The following MCOLN2 variants were observed in gnomAD, a reference collection of about 807,000 sequenced individuals.
The protein encoded by MCOLN2 is mucolipin TRP cation channel 2.
MCOLN2 carries 57 observed loss-of-function variants against 67.5 expected under a neutral mutation model. That is an observed-to-expected ratio of 0.84 (90% CI 0.68 to 1.05). The LOEUF is 1.05. MCOLN2 is among the 50% of genes least tolerant of loss of function. The probability of loss-of-function intolerance (pLI) is 0.00; values close to 1 mark genes in which losing one functional copy is unlikely to be tolerated. For synonymous variants in MCOLN2, 246 were observed against 233.3 expected, an observed-to-expected ratio of 1.05 and a Z score of -0.50; for missense variants, 620 against 678.8, an observed-to-expected ratio of 0.91 and a Z score of 0.96.
At chr1:84,964,912 C>G (rs889681991) in intron 2 of MCOLN2, among the ~76,000 whole-genome samples, 1 of 152,180 alleles carries the variant, frequency 6.6e-6, no homozygotes, top group African/African-American at 2.4e-5. Flanking sequence ...TTGCCTACCA[C>G]TCACCTCCTG....
chr1:84,991,386 T>A (rs1650884682), intron 1 of MCOLN2, among the ~76,000 whole-genome samples: 1 of 152,110 alleles, frequency 6.6e-6, no homozygotes, highest in Non-Finnish European at 1.5e-5. Context: ...ATTCCTACGA[T>A]GAACAAATTT....
In MCOLN2 at chr1:84,956,677, T is replaced by C. The variant is rs756103386; in HGVS notation, c.412-93A>G. The C allele has an allele frequency of 5.7e-4, 610 of 1,074,038 alleles. 5 individuals are homozygous for C. Among genetic ancestry groups the C allele is most frequent in the Non-Finnish European group, 3.2e-4 (244 of 760,172 alleles). The allele number at this position is 1,074,038 out of a possible 1,614,324, so 66.5% of individuals were successfully genotyped here. ...ATAGAATGTACTTTCAGTTACTTTG[T>C]ATTGTTTACATCATGGCTCTCAATA... On this transcript the variant is annotated intron_variant, in intron 3 of 13. Transcript: ENST00000370608.
At chr1:84,939,502 G>A (rs1204464839) in intron 9 of MCOLN2, 51 bp downstream of exon 9, 2 of 1,574,540 alleles carry the variant, frequency 1.3e-6, no homozygotes, top group African/African-American at 1.4e-5. Flanking sequence ...AGATGCCTGT[G>A]GCCATCCAGG....
At chr1:84,971,378 T>C (rs1015538559) in intron 1 of MCOLN2, among the ~76,000 whole-genome samples, 11 of 152,144 alleles carry the variant, frequency 7.2e-5, no homozygotes, top group Non-Finnish European at 1.3e-4. Flanking sequence ...AAAATTCTGA[T>C]ATTTCAAGGA....
At chr1:84,950,300 A>G (rs903859444) in intron 6 of MCOLN2, among the ~76,000 whole-genome samples, 1 of 152,256 alleles carries the variant, frequency 6.6e-6, no homozygotes, top group Admixed American at 6.5e-5. Context: ...TATCTGGTTC[A>G]GAGAAATCCT....
intron 4 of MCOLN2, among the ~76,000 whole-genome samples, chr1:84,955,763 C>T (rs541306368): frequency 1.9e-4 from 29 of 151,978 alleles, no homozygotes; most frequent in East Asian, 5.8e-4. Context: ...ACTTCAAGTA[C>T]GGGGCTTGAA....
At chr1:84,986,901 G>A (rs972134673) in intron 1 of MCOLN2, among the ~76,000 whole-genome samples, 4 of 152,070 alleles carry the variant, frequency 2.6e-5, no homozygotes, top group Non-Finnish European at 1.5e-5. Flanking sequence ...GGGATGGGGT[G>A]AAAAGGCAAC....
chr1:84,963,076 G>A (rs1407275566), intron 2 of MCOLN2, among the ~76,000 whole-genome samples: 1 of 152,184 alleles, frequency 6.6e-6, no homozygotes, highest in East Asian at 1.9e-4. Context: ...AGACTCCAGA[G>A]CCAGACTGCC....
At chr1:84,947,271 T>TAGA in intron 6 of MCOLN2, 139 bp from the exon 7 acceptor site, 1 of 599,864 alleles carries the variant, frequency 1.7e-6, no homozygotes, top group Non-Finnish European at 3.0e-6. Context: ...AATGGCTGAC[T>TAGA]AGAATTACTT....
chr1:84,962,040 A>C (rs980382930), intron 2 of MCOLN2, among the ~76,000 whole-genome samples: 1 of 152,188 alleles, frequency 6.6e-6, no homozygotes, highest in Non-Finnish European at 1.5e-5. Flanking sequence ...ACACAAAAAG[A>C]CAGAAAAAGA....
rs1425945483 is a variant in MCOLN2, at chr1:84,965,562, A to G, written c.224T>C (p.Met75Thr). The G allele has an allele frequency of 1.9e-6, 3 of 1,613,854 alleles. No individual in the cohort carries two copies. In the African/African-American group the frequency reaches 4.0e-5, roughly 22 times the overall value. ...KLGLQILKIV[M>T]VTTQLVRFGL... is the part of the protein sequence containing the mutation. ...AAGATAGGTTACCTGTGTGGTGACC[A>G]TGACTATCTTCAAAATCTGCAAACC... The change falls in exon 2 of 14, where the codon ATG (methionine) becomes ACG (threonine). Residue 75 changes from methionine to threonine, a missense_variant. By Grantham distance (81) the Met-to-Thr change is moderately conservative. Transcript: ENST00000370608.
chr1:84,987,869 G>A (rs1032683622), intron 1 of MCOLN2, among the ~76,000 whole-genome samples: 22 of 151,834 alleles, frequency 1.4e-4, no homozygotes, highest in Non-Finnish European at 2.4e-4. Flanking sequence ...TAAGCTGTGA[G>A]GATGCAAAGG....
intron 1 of MCOLN2, among the ~76,000 whole-genome samples, chr1:84,971,545 C>T (rs1445365944): frequency 5.0e-5 from 7 of 139,990 alleles, no homozygotes; most frequent in African/African-American, 1.4e-4. Context: ...CACACACACA[C>T]GATATCTTAT....
intron 7 of MCOLN2, among the ~76,000 whole-genome samples, chr1:84,946,593 T>C (rs1422268642): frequency 6.6e-6 from 1 of 152,224 alleles, no homozygotes; most frequent in East Asian, 1.9e-4. Context: ...CCAATAAGCA[T>C]TTCCTTTGAG....
Position 84,956,577 on chromosome 1 carries a change from T to C in MCOLN2, c.419A>G (p.Gln140Arg), listed in dbSNP as rs2102843779. The change falls in exon 4 of 14, where the codon CAG becomes CGG. Residue 140 changes from glutamine (Q) to arginine (R), a missense_variant. Coordinates refer to ENST00000370608, the MANE Select transcript of MCOLN2 (RefSeq NM_153259.4). ...SIFFAINQYH[Q>R]LKDITLGTLG... ...GGTCCCCAGGGTAATGTCCTTTAGC[T>C]GATGATACTATTAAAAAATAGTCAA... The C allele has an allele frequency of 3.2e-6, 5 of 1,578,384 alleles. No homozygotes were observed. In the East Asian group the frequency reaches 6.8e-5, roughly 21 times the overall value.
intron 2 of MCOLN2, among the ~76,000 whole-genome samples, chr1:84,964,487 T>C (rs1649265696): frequency 7.7e-6 from 1 of 129,078 alleles, no homozygotes; most frequent in Admixed American, 1.0e-4. Flanking sequence ...ACTGGTTTTG[T>C]AGAAGACAAT....
Position 84,996,888 on chromosome 1 carries a change from A to C in MCOLN2, c.-16T>G. On this transcript the variant is annotated 5_prime_UTR_variant, in exon 1 of 14. Transcript: ENST00000370608. ...GCCGGGCCATGCCTCCTCCTTCAAA[A>C]CTTTCCAGGGCTCTCGGGATTCGGA... The C allele has an allele frequency of 6.2e-6, 10 of 1,612,418 alleles. No homozygotes were observed. Among genetic ancestry groups the C allele is most frequent in the Non-Finnish European group, 7.6e-6 (9 of 1,178,654 alleles).
At chr1:84,975,135 C>T (rs1014877641) in intron 1 of MCOLN2, among the ~76,000 whole-genome samples, 6 of 152,194 alleles carry the variant, frequency 3.9e-5, no homozygotes, top group Non-Finnish European at 8.8e-5. Flanking sequence ...GGGAAGAACA[C>T]AGGCCTGGTT....
At chr1:84,961,867 C>G (rs571897644) in intron 2 of MCOLN2, among the ~76,000 whole-genome samples, 2 of 152,244 alleles carry the variant, frequency 1.3e-5, no homozygotes, top group South Asian at 2.1e-4. Flanking sequence ...AGATACTGCT[C>G]TAATTATGTA....
Sources: allele counts gnomAD v4.1 joint callset (sites outside exome capture counted in the v4.1 genomes callset), GRCh38; gene constraint gnomAD v4.1.1; transcripts MANE v1.5; gene names NCBI Gene and HGNC (gene_info 2026-07-23, HGNC 2026-07-21).